Variants in UST observed in about 807,000 individuals in gnomAD.
UST encodes chondroitin sulfate 2-O-sulfotransferase.
Under a neutral mutation model 45.6 loss-of-function variants are expected in UST, and 21 were observed. That is an observed-to-expected ratio of 0.46 (90% confidence interval 0.33 to 0.66). UST has a LOEUF of 0.66. UST is among the 30% of genes least tolerant of loss of function. The pLI is 0.02. For missense variants in UST, 463 were observed against 512.4 expected, an observed-to-expected ratio of 0.90 and a Z score of 0.93; for synonymous variants, 215 against 200.6, an observed-to-expected ratio of 1.07 and a Z score of -0.61.
At chr6:148,963,978 T>A (rs1188862979) in intron 4 of UST, among the ~76,000 whole-genome samples, 1 of 152,176 alleles carries the variant, frequency 6.6e-6, no homozygotes, top group African/African-American at 2.4e-5. Flanking sequence ...AGCAAGGCAG[T>A]CAGAACCTAC....
intron 7 of UST, among the ~76,000 whole-genome samples, chr6:149,062,006 G>A (rs1046856397): frequency 1.4e-4 from 21 of 152,210 alleles, no homozygotes; most frequent in Non-Finnish European, 2.2e-4. Flanking sequence ...ACCCAACAGT[G>A]TTTGAATCTT....
At chr6:148,982,441 G>C (rs960025458) in intron 5 of UST, among the ~76,000 whole-genome samples, 3 of 152,114 alleles carry the variant, frequency 2.0e-5, no homozygotes, top group African/African-American at 7.2e-5. Context: ...ATTCACAAGG[G>C]AAGAGATCCC....
chr6:148,977,206 A>C (rs1017016405), intron 5 of UST, among the ~76,000 whole-genome samples: 1 of 151,826 alleles, frequency 6.6e-6, no homozygotes, highest in African/African-American at 2.4e-5. Flanking sequence ...TTGTTCCATT[A>C]ATGTGTATCT....
chr6:148,989,844 A>G (rs1781313456), intron 5 of UST, among the ~76,000 whole-genome samples: 1 of 152,242 alleles, frequency 6.6e-6, no homozygotes, highest in Non-Finnish European at 1.5e-5. Flanking sequence ...CACATGGTAA[A>G]TAACAAACTC....
At chr6:148,857,131 C>T (rs1266409311) in intron 1 of UST, among the ~76,000 whole-genome samples, 1 of 151,950 alleles carries the variant, frequency 6.6e-6, no homozygotes, top group East Asian at 1.9e-4. Context: ...CAATTAACAA[C>T]ATCTTGAAAT....
chr6:148,882,139 A>T (rs1173440751), intron 1 of UST, among the ~76,000 whole-genome samples: 2 of 152,090 alleles, frequency 1.3e-5, no homozygotes, highest in East Asian at 3.9e-4. Context: ...CCAGGTGCCA[A>T]CACCGAGGAC....
At chr6:148,946,372 G>A (rs1214192797) in intron 3 of UST, among the ~76,000 whole-genome samples, 5 of 151,708 alleles carry the variant, frequency 3.3e-5, no homozygotes, top group Admixed American at 2.0e-4. Context: ...TTAGATGGGC[G>A]TGGTGGTGCA....
intron 7 of UST, among the ~76,000 whole-genome samples, chr6:149,034,770 G>A (rs1263201309): frequency 1.4e-5 from 2 of 143,182 alleles, no homozygotes; most frequent in Non-Finnish European, 3.0e-5. Flanking sequence ...AGTCATTGAA[G>A]GTCTGAAAAG....
At chr6:148,915,969 T>C (rs1471677) in intron 2 of UST, among the ~76,000 whole-genome samples, 134,812 of 144,106 alleles carry the variant, frequency 0.94, 63,159 homozygotes, top group Admixed American at 0.96. Flanking sequence ...TAAAGAAACA[T>C]GAAACAAATA....
intron 7 of UST, among the ~76,000 whole-genome samples, chr6:149,044,072 A>C (rs1300374146): frequency 2.0e-5 from 3 of 152,210 alleles, no homozygotes; most frequent in African/African-American, 7.2e-5. Flanking sequence ...CCTTTAAGTG[A>C]CTAGGGTACA....
At chr6:148,781,376 G>A (rs548462920) in intron 1 of UST, among the ~76,000 whole-genome samples, 7 of 152,294 alleles carry the variant, frequency 4.6e-5, no homozygotes, top group Non-Finnish European at 8.8e-5. Context: ...GCCAAAGCCT[G>A]ATCCTGAGCA....
intron 7 of UST, among the ~76,000 whole-genome samples, chr6:149,058,770 T>C (rs373975526): frequency 1.6e-4 from 24 of 152,364 alleles, no homozygotes; most frequent in African/African-American, 5.8e-4. Context: ...AATAAGTTTT[T>C]TTTAGAAGTA....
At chr6:148,972,089 T>C (rs1780929323) in intron 5 of UST, among the ~76,000 whole-genome samples, 1 of 152,180 alleles carries the variant, frequency 6.6e-6, no homozygotes, top group Non-Finnish European at 1.5e-5. Context: ...GCTTGCCGCC[T>C]AGTTAGCAAC....
Position 148,775,096 on chromosome 6 carries a change from A to G in UST, c.247+27419A>G, listed in dbSNP as rs76795050. ...ACTTCATAATGATCTCACCTCTAAC[A>G]AGGGTTTCCCAATATTGAGAATATC... On this transcript the variant is annotated intron_variant, in intron 1 of 7. Coordinates refer to ENST00000367463, the MANE Select transcript of UST (RefSeq NM_005715.3). 2.7e-4 allele frequency among the ~76,000 whole-genome samples: 41 copies of G among 152,242 alleles called. No individual in the cohort carries two copies. In the East Asian group the frequency reaches 7.2e-3, roughly 27 times the overall value.
chr6:149,051,558 G>T (rs895127561), intron 7 of UST, among the ~76,000 whole-genome samples: 22 of 152,200 alleles, frequency 1.4e-4, no homozygotes, highest in Non-Finnish European at 5.9e-5. Flanking sequence ...TAAATAGCAT[G>T]TCATTCCGTA....
chr6:148,749,904 A>G (rs1387626512), intron 1 of UST, among the ~76,000 whole-genome samples: 1 of 152,178 alleles, frequency 6.6e-6, no homozygotes, highest in East Asian at 1.9e-4. Context: ...CCCTTGGCCA[A>G]ATTTGTTCCC....
At chr6:148,932,327 C>T (rs1434578346) in intron 2 of UST, among the ~76,000 whole-genome samples, 1 of 152,086 alleles carries the variant, frequency 6.6e-6, no homozygotes, top group Non-Finnish European at 1.5e-5. Flanking sequence ...TAGCAATGAA[C>T]CAAGATTGTG....
intron 2 of UST, among the ~76,000 whole-genome samples, chr6:148,929,577 G>C (rs1231406376): frequency 6.6e-6 from 1 of 152,146 alleles, no homozygotes; most frequent in African/African-American, 2.4e-5. Flanking sequence ...CAAAAGTATG[G>C]AATGAGGCCT....
intron 2 of UST, among the ~76,000 whole-genome samples, chr6:148,913,597 T>C (rs1448758900): frequency 6.6e-6 from 1 of 152,128 alleles, no homozygotes; most frequent in East Asian, 1.9e-4. Flanking sequence ...TAGTGAGTAG[T>C]TATCCTTTTC....
Sources: gnomAD v4.1 joint callset for allele counts (sites outside exome capture counted in the v4.1 genomes callset) on GRCh38, gnomAD v4.1.1 for gene constraint, MANE v1.5 for transcripts, NCBI Gene and HGNC (gene_info 2026-07-23, HGNC 2026-07-21) for gene names.